The following LDHC variants were observed in gnomAD, a reference collection of about 807,000 sequenced individuals.
LDHC encodes L-lactate dehydrogenase C chain.
LDHC carries 20 observed loss-of-function variants against 30.2 expected under a neutral mutation model. The ratio of observed to expected loss-of-function variants is 0.66; its 90% CI spans 0.47 to 0.96. The LOEUF is 0.96. Ranked by LOEUF, LDHC falls within the 40% of genes least tolerant of loss-of-function variation. The probability of loss-of-function intolerance (pLI) is 0.00; values close to 1 mark genes in which losing one functional copy is unlikely to be tolerated. For missense variants in LDHC, 362 were observed against 394.9 expected (o/e 0.92, Z 0.71); for synonymous variants, 139 against 132.7 (o/e 1.05, Z -0.32).
intron 4 of LDHC, among the ~76,000 whole-genome samples, chr11:18,431,597 GTGCAGTGGCATGACCT>G (rs1848265394): frequency 6.6e-6 from 1 of 152,134 alleles, no homozygotes; most frequent in South Asian, 2.1e-4. Context: ...CCAGGCTGGA[GTGCAGTGGCATGACCT>G]TGGCTCACCA....
chr11:18,435,827 C>T (rs1381182626), intron 5 of LDHC, among the ~76,000 whole-genome samples: 1 of 152,112 alleles, frequency 6.6e-6, no homozygotes, highest in Non-Finnish European at 1.5e-5. Flanking sequence ...TTATTTATTC[C>T]AGATTTTTCA....
chr11:18,427,734 G>A (rs1222770819), intron 3 of LDHC, among the ~76,000 whole-genome samples: 1 of 149,106 alleles, frequency 6.7e-6, no homozygotes, highest in African/African-American at 2.5e-5. Flanking sequence ...CCGGAATGCA[G>A]TGGCACAGTC....
At chr11:18,434,406 A>G (rs73438659) in intron 4 of LDHC, among the ~76,000 whole-genome samples, 23,213 of 151,944 alleles carry the variant, frequency 0.15, 1,988 homozygotes, top group African/African-American at 0.23. Context: ...ATATTACCAA[A>G]GTTGGTTTTC....
intron 6 of LDHC, 48 bp downstream of exon 6, chr11:18,438,693 GAATA>G (rs1183781296): frequency 1.0e-6 from 1 of 966,072 alleles, no homozygotes; most frequent in East Asian, 2.5e-5. Context: ...TCAGTCTTAA[GAATA>G]AATATCACGG....
chr11:18,412,695 A>G lies in LDHC; in HGVS notation c.-9-14A>G, dbSNP rs1866914153. 1 of 1,610,200 alleles carries G rather than the reference A, an allele frequency of 6.2e-7. No homozygotes were observed. The highest frequency in any genetic ancestry group is 8.5e-7 in the Non-Finnish European group (1 of 1,177,888). On this transcript the variant is annotated splice_polypyrimidine_tract_variant and intron_variant, in intron 1 of 7. Coordinates refer to ENST00000541669, the MANE Select transcript of LDHC (RefSeq NM_017448.5). Reference sequence around the variant, plus strand: ...AGTGTGGTTAATCCAATGAAATTGCATTATCCCTATCAGGTTCTCCAAATG... The same window carrying G: ...AGTGTGGTTAATCCAATGAAATTGCGTTATCCCTATCAGGTTCTCCAAATG...
intron 3 of LDHC, among the ~76,000 whole-genome samples, chr11:18,415,647 G>T (rs904760180): frequency 3.3e-5 from 5 of 151,922 alleles, no homozygotes; most frequent in African/African-American, 1.2e-4. Flanking sequence ...GGCCAGGCTG[G>T]TCTCGAACTC....
intron 6 of LDHC, among the ~76,000 whole-genome samples, chr11:18,445,904 G>C (rs1018666516): frequency 1.3e-5 from 2 of 152,158 alleles, no homozygotes; most frequent in African/African-American, 4.8e-5. Flanking sequence ...AAGCCCAGGA[G>C]GTGGAGGTTG....
In LDHC at chr11:18,433,071, G is replaced by A. The variant is rs185987733; in HGVS notation, c.419-1669G>A. On this transcript the variant is annotated intron_variant, in intron 4 of 7. Transcript: ENST00000541669. The stretch of plus-strand genomic sequence containing the variant: ...TTTAACTTGTGTTTTAGTTTTATAG[G>A]TCCTGTGTGATTTATGCTTTAAGGA... Among the ~76,000 whole-genome samples the A allele has an allele frequency of 7.9e-5, 12 of 152,128 alleles. 1 individual carries two copies. The South Asian group carries it at 1.5e-3, about 18-fold the overall frequency.
At chr11:18,436,001 A>G (rs1247987422) in intron 5 of LDHC, among the ~76,000 whole-genome samples, 1 of 152,218 alleles carries the variant, frequency 6.6e-6, no homozygotes, top group Non-Finnish European at 1.5e-5. Flanking sequence ...ATGGCAATAA[A>G]CCAATTGAGA....
intron 6 of LDHC, among the ~76,000 whole-genome samples, chr11:18,441,402 G>A (rs557788420): frequency 6.6e-6 from 1 of 151,560 alleles, no homozygotes; most frequent in South Asian, 2.1e-4. Context: ...TCCGCCTCCC[G>A]GGTTCAAGCA....
chr11:18,444,346 C>T (rs997213348), intron 6 of LDHC, among the ~76,000 whole-genome samples: 10 of 151,798 alleles, frequency 6.6e-5, no homozygotes, highest in African/African-American at 1.9e-4. Context: ...TGAGATTTGT[C>T]CCCAGTAATC....
chr11:18,425,888 C>CCG (rs1482733331), intron 3 of LDHC, among the ~76,000 whole-genome samples: 1 of 151,854 alleles, frequency 6.6e-6, no homozygotes, highest in East Asian at 1.9e-4. Flanking sequence ...TTGCAGTGAG[C>CCG]CGAGATCGCG....
intron 3 of LDHC, among the ~76,000 whole-genome samples, chr11:18,426,545 G>T (rs1320632221): frequency 1.9e-5 from 2 of 107,708 alleles, no homozygotes; most frequent in Non-Finnish European, 2.0e-5. Context: ...AAAAAAAAAA[G>T]ATATTTGTGG....
At chr11:18,412,961 C>G (rs1486743268) in intron 2 of LDHC, 118 bp downstream of exon 2, 4 of 674,938 alleles carry the variant, frequency 5.9e-6, no homozygotes, top group Non-Finnish European at 8.8e-6. Flanking sequence ...TATCCTTTGA[C>G]CTTTCCTCCC....
At chr11:18,422,708 G>T (rs1194871898) in intron 3 of LDHC, among the ~76,000 whole-genome samples, 1 of 151,998 alleles carries the variant, frequency 6.6e-6, no homozygotes, top group Non-Finnish European at 1.5e-5. Flanking sequence ...TTAAATGTCA[G>T]GCTGGGTGTG....
chr11:18,451,059 G>A lies in LDHC; in HGVS notation c.931G>A (p.Glu311Lys), dbSNP rs762032479. The A allele has an allele frequency of 1.1e-5, 17 of 1,591,624 alleles. No individual in the cohort carries two copies. Among genetic ancestry groups the A allele is most frequent in the Admixed American group, 1.8e-5 (1 of 54,750 alleles). ...TGTTGTGAAAATTAACTTGAATTCT[G>A]AGGAGGAGGCCCTTTTCAAGAAGAG... ...SDVVKINLNSEEEALFKKSAE... is the reference protein window; with the variant it reads ...SDVVKINLNSKEEALFKKSAE... Residue 311 changes from glutamate (E) to lysine (K), a missense_variant, in exon 8 of 8, where the codon GAG becomes AAG. By Grantham distance (56) the Glu-to-Lys change is moderately conservative. Transcript: ENST00000541669.
chr11:18,434,113 C>A (rs1003829016), intron 4 of LDHC, among the ~76,000 whole-genome samples: 1 of 152,064 alleles, frequency 6.6e-6, no homozygotes, highest in Non-Finnish European at 1.5e-5. Flanking sequence ...CTTTCCAGAG[C>A]ATTTCACATA....
At chr11:18,440,792 A>G (rs28729286) in intron 6 of LDHC, among the ~76,000 whole-genome samples, 4 of 10,528 alleles carry the variant, frequency 3.8e-4, no homozygotes, top group South Asian at 3.4e-3. Context: ...TTAGCCAGGC[A>G]TGGTGGTATG....
intron 5 of LDHC, among the ~76,000 whole-genome samples, chr11:18,435,398 T>C (rs778980581): frequency 1.3e-5 from 2 of 151,950 alleles, no homozygotes; most frequent in Non-Finnish European, 2.9e-5. Flanking sequence ...TGTTTAAAAG[T>C]GTGTGGCACC....
Sources: gnomAD v4.1 joint callset for allele counts (sites outside exome capture counted in the v4.1 genomes callset) on GRCh38, gnomAD v4.1.1 for gene constraint, MANE v1.5 for transcripts, NCBI Gene and HGNC (gene_info 2026-07-23, HGNC 2026-07-21) for gene names.